The following DECR2 variants were observed in gnomAD, a reference collection of about 807,000 sequenced individuals.
DECR2 encodes the protein peroxisomal 2,4-dienoyl-CoA reductase [(3E)-enoyl-CoA-producing].
A neutral mutation model predicts 29.2 loss-of-function variants in DECR2; 34 were observed. That is an observed-to-expected ratio of 1.16 (90% CI 0.89 to 1.55). The LOEUF (loss-of-function observed/expected upper bound fraction) is 1.55. DECR2 is among the 40% of genes most tolerant of loss of function. The probability of loss-of-function intolerance (pLI) is 0.00; values close to 1 mark genes in which losing one functional copy is unlikely to be tolerated. For synonymous variants in DECR2, 224 were observed against 182.7 expected (o/e 1.23, Z -1.82); for missense variants, 485 against 425.3 (o/e 1.14, Z -1.23).
Position 410,530 on chromosome 16 carries a change from C to T in DECR2, c.463-161C>T. On this transcript the variant is annotated intron_variant, in intron 5 of 8. Coordinates refer to ENST00000219481, the MANE Select transcript of DECR2 (RefSeq NM_020664.4). This position sits in a 1 kb window ranked among gnomAD's most constrained non-coding sequence, Gnocchi z 4.1. ...CCCCTGACGGCCGCCCGCTCCCTGC[C>T]CTGGGCCTCCCCATGACGGCCGCCC... The T allele has an allele frequency of 7.3e-7, 1 of 1,365,480 alleles. No homozygotes were observed. Among genetic ancestry groups the T allele is most frequent in the Non-Finnish European group, 1.0e-6 (1 of 995,912 alleles). The allele number at this position is 1,365,480 out of a possible 1,614,324, so 84.6% of individuals were successfully genotyped here.
intron 1 of DECR2, among the ~76,000 whole-genome samples, chr16:404,447 T>C (rs1466335901): frequency 6.6e-6 from 1 of 150,570 alleles, no homozygotes; most frequent in Non-Finnish European, 1.5e-5. Flanking sequence ...TCCATGTTGG[T>C]CAGGCTGGTC....
At chr16:402,446 CT>C (rs988339774) in intron 1 of DECR2, among the ~76,000 whole-genome samples, 5 of 151,938 alleles carry the variant, frequency 3.3e-5, no homozygotes, top group Non-Finnish European at 7.4e-5. Context: ...AACCTGGCCT[CT>C]TTCTTAACAG....
In DECR2 at chr16:402,042, C is replaced by T. The variant is rs747844823; in HGVS notation, c.79C>T (p.Arg27Trp). 2.2e-5 allele frequency: 31 copies of T among 1,428,286 alleles called. No homozygotes were observed. Among genetic ancestry groups the T allele is most frequent in the Non-Finnish European group, 2.8e-5 (31 of 1,091,194 alleles). The allele number at this position is 1,428,286 out of a possible 1,614,324, so 88.5% of individuals were successfully genotyped here. Residue 27 changes from arginine to tryptophan, a missense_variant and splice_region_variant, in exon 1 of 9, where the codon CGG (arginine) becomes TGG (tryptophan). Arg to Trp is a moderately radical substitution (Grantham distance 101). Coordinates refer to ENST00000219481, the MANE Select transcript of DECR2 (RefSeq NM_020664.4). ...YRHLFCPDLL[R>W]DKVAFITGGG... ...CCACCTCTTCTGCCCGGACCTGCTGCGGTGAGCGGGGCCTGGGAAGCGAGC... is the reference window on the plus strand; with the variant it reads ...CCACCTCTTCTGCCCGGACCTGCTGTGGTGAGCGGGGCCTGGGAAGCGAGC...
chr16:405,898 G>A (rs963148740), intron 2 of DECR2, among the ~76,000 whole-genome samples: 39 of 152,318 alleles, frequency 2.6e-4, no homozygotes, highest in African/African-American at 8.7e-4. Context: ...AAATCCTAGC[G>A]GCATTCCTGG....
rs762453337 is a variant in DECR2 at position 411,447 on chromosome 16, C to G, written c.748C>G (p.Leu250Val). 6.2e-7 allele frequency: 1 copy of G among 1,613,768 alleles called. No homozygotes were observed. Residue 250 changes from leucine to valine, a missense_variant, in exon 8 of 9, where the codon CTC (leucine) becomes GTC (valine). Coordinates refer to ENST00000219481, the MANE Select transcript of DECR2 (RefSeq NM_020664.4). The part of the protein sequence containing the change: ...GNKTEIAHSV[L>V]YLASPLASYV... ...CAAGACCGAGATCGCCCACAGCGTG[C>G]TCTACCTGGCCAGCCCTCTGGCTTC...
chr16:403,786 G>A (rs573802101), intron 1 of DECR2, among the ~76,000 whole-genome samples: 16 of 152,202 alleles, frequency 1.1e-4, no homozygotes, highest in Non-Finnish European at 2.1e-4. Flanking sequence ...GCTGAAGCAG[G>A]AGGATCCTTC....
intron 4 of DECR2, among the ~76,000 whole-genome samples, chr16:408,323 C>T (rs2054768168): frequency 6.6e-6 from 1 of 151,942 alleles, no homozygotes; most frequent in Admixed American, 6.6e-5. Flanking sequence ...CTCTGGCCCT[C>T]TGTCTCTGGC....
At chr16:402,631 C>T (rs1358038396) in intron 1 of DECR2, among the ~76,000 whole-genome samples, 3 of 151,726 alleles carry the variant, frequency 2.0e-5, no homozygotes, top group East Asian at 1.9e-4. Flanking sequence ...ATGGGCGGAT[C>T]CTTTTTTTTT....
intron 1 of DECR2, chr16:403,006 G>A: frequency 1.0e-6 from 1 of 984,188 alleles, no homozygotes; most frequent in Non-Finnish European, 1.2e-6. Flanking sequence ...TTTAAATTAT[G>A]TTCTCCAAGG....
rs775843178 is a variant in DECR2 at position 410,766 on chromosome 16, TCCG to T, written c.541_543del (p.Ala181del). On this transcript the variant is annotated inframe_deletion, in exon 6 of 9. Coordinates refer to ENST00000219481, the MANE Select transcript of DECR2 (RefSeq NM_020664.4). This position sits in a 1 kb window ranked among gnomAD's most constrained non-coding sequence, Gnocchi z 4.1. ...GCAGGCGCTCCAGGTGCATGCAGGC[TCCG>T]CCAAGGCCGCTGTGGGTATGACCAC... 6.2e-7 allele frequency: 1 copy of T among 1,601,948 alleles called. No individual in the cohort carries two copies. The highest frequency in any genetic ancestry group is 1.1e-5 in the South Asian group (1 of 89,166).
At chr16:411,266 C>T in intron 7 of DECR2, 95 bp from the exon 8 acceptor site, 2 of 1,323,832 alleles carry the variant, frequency 1.5e-6, no homozygotes, top group East Asian at 4.8e-5. Context: ...TGTGTCCTTG[C>T]TGTTCCCAGA....
At position 401,936 on chromosome 16, in the gene DECR2, T is replaced by TGTCCCCGCA. The variant is rs1567338004; in HGVS notation, c.-20_-12dup. 3 of 1,476,396 alleles carry TGTCCCCGCA rather than the reference T, an allele frequency of 2.0e-6. No homozygotes were observed. Among genetic ancestry groups the TGTCCCCGCA allele is most frequent in the Admixed American group, 4.8e-5 (2 of 42,036 alleles). 91.5% of individuals were successfully genotyped at this position (1,476,396 alleles called of 1,614,324 possible). A position where few individuals can be genotyped will look rare whatever the true frequency, so the allele number is the denominator to read the frequency against. ...GGAGGCCGAGGCCGCTCCCGCCCGT[T>TGTCCCCGCA]GTCCCCGCAGTCCCCGACGGGAGCG... is the stretch of plus-strand genomic sequence containing the variant. On this transcript the variant is annotated 5_prime_UTR_variant, in exon 1 of 9. Coordinates refer to ENST00000219481, the MANE Select transcript of DECR2 (RefSeq NM_020664.4).
At position 410,292 on chromosome 16, in the gene DECR2, C is replaced by T. The variant is rs575650329; in HGVS notation, c.387C>T (p.Ala129=). ...CCGCTGGCGCCTTGTCCTTCAACGC[C>T]TTCAAGACCGTGATGGACATCGATA... The part of the protein sequence containing the change: ...LCPAGALSFN[A]FKTVMDIDTS... The change falls in exon 5 of 9, where the codon GCC becomes GCT. Residue 129 remains alanine (A), a synonymous_variant. Coordinates refer to ENST00000219481, the MANE Select transcript of DECR2 (RefSeq NM_020664.4). This position sits in a 1 kb window ranked among gnomAD's most constrained non-coding sequence, Gnocchi z 4.1. 5.0e-5 allele frequency: 80 copies of T among 1,613,826 alleles called. No homozygotes were observed. Among genetic ancestry groups the T allele is most frequent in the Admixed American group, 4.0e-4 (24 of 60,022 alleles).
At chr16:411,818 T>TGGCCGAGGC (rs1427589090) in intron 8 of DECR2, 72 bp from the exon 9 acceptor site, 3 of 491,172 alleles carry the variant, frequency 6.1e-6, no homozygotes, top group Non-Finnish European at 1.1e-5. Context: ...AGGTGCTGGG[T>TGGCCGAGGC]GGCCGAGGCA....
chr16:411,642 A>T, intron 8 of DECR2, 64 bp downstream of exon 8: 7 of 1,542,624 alleles, frequency 4.5e-6, no homozygotes, highest in South Asian at 1.2e-5. Flanking sequence ...CTGCATGGGC[A>T]GGTCTCTGCG....
chr16:411,374 C>T lies in DECR2; in HGVS notation c.675C>T (p.Ala225=), dbSNP rs1472073259. ...EGLRRLGGPQ[A]SLSTKVTASP... is the part of the protein sequence containing the mutation. ...GCTGCCCTCCAGGTGGCCCTCAGGCCAGCCTGAGCACCAAGGTCACTGCCA... is the reference window on the plus strand; with the variant it reads ...GCTGCCCTCCAGGTGGCCCTCAGGCTAGCCTGAGCACCAAGGTCACTGCCA... Residue 225 remains alanine, a synonymous_variant, in exon 8 of 9, where the codon GCC becomes GCT. Transcript: ENST00000219481. The T allele has an allele frequency of 6.2e-7, 1 of 1,608,484 alleles. No individual in the cohort carries two copies. Among genetic ancestry groups the T allele is most frequent in the East Asian group, 2.2e-5 (1 of 44,850 alleles).
intron 4 of DECR2, among the ~76,000 whole-genome samples, chr16:407,963 G>A (rs1399537634): frequency 1.1e-3 from 54 of 47,500 alleles, no homozygotes; most frequent in Non-Finnish European, 1.9e-3. Context: ...CCAGGCCTCT[G>A]TCTCCGGCCC....
intron 3 of DECR2, chr16:406,646 C>T (rs1290623900): frequency 5.6e-5 from 35 of 630,212 alleles, no homozygotes; most frequent in Non-Finnish European, 7.7e-5. Context: ...TACAGGTGCC[C>T]GCCACCACGC....
chr16:410,866 C>G lies in DECR2; in HGVS notation c.556+82C>G, dbSNP rs930867676. On this transcript the variant is annotated intron_variant, in intron 6 of 8. Coordinates refer to ENST00000219481, the MANE Select transcript of DECR2 (RefSeq NM_020664.4). The surrounding 1 kb of genome is among the most constrained non-coding windows in gnomAD (Gnocchi z 4.1). The stretch of plus-strand genomic sequence containing the variant: ...GCTTCCATCCCAGGAGGCCAGCAGT[C>G]TCCACTTGAAGCTGAGCCCAGCTGC... The G allele has an allele frequency of 1.3e-6, 2 of 1,524,756 alleles. No individual in the cohort carries two copies. Among genetic ancestry groups the G allele is most frequent in the East Asian group, 2.5e-5 (1 of 40,808 alleles). The allele number at this position is 1,524,756 out of a possible 1,614,324, so 94.5% of individuals were successfully genotyped here.
Sources: allele counts gnomAD v4.1 joint callset (sites outside exome capture counted in the v4.1 genomes callset), GRCh38; gene constraint gnomAD v4.1.1; non-coding constraint Gnocchi (gnomAD v3.1); transcripts MANE v1.5; gene names NCBI Gene and HGNC (gene_info 2026-07-23, HGNC 2026-07-21).